RPTOR: variants seen among roughly 807,000 people sequenced by gnomAD.
The protein encoded by RPTOR is regulatory-associated protein of mTOR.
RPTOR carries 21 observed loss-of-function variants against 169.9 expected under a neutral mutation model. The ratio of observed to expected loss-of-function variants is 0.12; its 90% CI spans 0.09 to 0.18. The LOEUF is 0.18. RPTOR is among the 10% of genes least tolerant of loss of function. RPTOR has a pLI of 1.00. For missense variants in RPTOR, 1,133 were observed against 1,855.9 expected (o/e 0.61, Z 7.16); for synonymous variants, 732 against 753.2 (o/e 0.97, Z 0.46).
At chr17:80,649,273 G>A (rs145028773) in intron 3 of RPTOR, among the ~76,000 whole-genome samples, 28 of 152,284 alleles carry the variant, frequency 1.8e-4, no homozygotes, top group East Asian at 1.2e-3. Context: ...GGGCATTCAC[G>A]TTGCGACATT....
intron 1 of RPTOR, among the ~76,000 whole-genome samples, chr17:80,564,831 A>G (rs2084558025): frequency 1.3e-5 from 2 of 152,066 alleles, no homozygotes; most frequent in African/African-American, 4.8e-5. Flanking sequence ...CCCACTTATA[A>G]GTGAGAACAT....
At chr17:80,763,880 T>G (rs1183375285) in intron 6 of RPTOR, among the ~76,000 whole-genome samples, 5 of 152,170 alleles carry the variant, frequency 3.3e-5, no homozygotes, top group Admixed American at 6.5e-5. Flanking sequence ...TTATTTTTTT[T>G]TACATGTACA....
intron 3 of RPTOR, among the ~76,000 whole-genome samples, chr17:80,682,114 C>CA (rs147403359): frequency 0.16 from 13,393 of 84,940 alleles, 851 homozygotes; most frequent in South Asian, 0.22. Context: ...AGGTCCCCCC[C>CA]CCCACCCCAA....
chr17:80,585,215 T>C (rs868308428), intron 1 of RPTOR, among the ~76,000 whole-genome samples: 1 of 148,976 alleles, frequency 6.7e-6, no homozygotes, highest in African/African-American at 2.5e-5. Context: ...TTTGTTTTTT[T>C]TTTTCCTGAG....
At chr17:80,835,868 C>G (rs1009911500) in intron 9 of RPTOR, among the ~76,000 whole-genome samples, 8 of 152,214 alleles carry the variant, frequency 5.3e-5, no homozygotes, top group Admixed American at 1.3e-4. Flanking sequence ...CCGCGGAGAT[C>G]AAGACTGTGT....
intron 5 of RPTOR, among the ~76,000 whole-genome samples, chr17:80,738,523 A>C (rs2066453714): frequency 2.4e-5 from 2 of 81,822 alleles, no homozygotes; most frequent in South Asian, 5.9e-4. Flanking sequence ...AATGAATTTC[A>C]CAGACACGTG....
chr17:80,896,449 G>A (rs1335430537), intron 20 of RPTOR, among the ~76,000 whole-genome samples: 69,755 of 104,682 alleles, frequency 0.67, 23,174 homozygotes, highest in Non-Finnish European at 0.73. Flanking sequence ...CGGCCATGCC[G>A]ACACCCCACA....
chr17:80,847,368 A>G (rs964023279), intron 11 of RPTOR, among the ~76,000 whole-genome samples: 1 of 152,240 alleles, frequency 6.6e-6, no homozygotes, highest in African/African-American at 2.4e-5. Flanking sequence ...CAGGTAGTGA[A>G]GTTAGAAAGA....
intron 6 of RPTOR, among the ~76,000 whole-genome samples, chr17:80,770,794 G>T (rs772755912): frequency 4.6e-5 from 7 of 152,184 alleles, no homozygotes; most frequent in Non-Finnish European, 8.8e-5. Context: ...ACAAATGTTT[G>T]TACTCAAATT....
intron 6 of RPTOR, among the ~76,000 whole-genome samples, chr17:80,771,670 A>G (rs1300293995): frequency 7.3e-6 from 1 of 136,390 alleles, no homozygotes; most frequent in Non-Finnish European, 1.6e-5. Context: ...GGAATGACAC[A>G]GGAAACCCTG....
At chr17:80,709,720 A>G (rs1268418359) in intron 4 of RPTOR, among the ~76,000 whole-genome samples, 1 of 151,630 alleles carries the variant, frequency 6.6e-6, no homozygotes, top group Non-Finnish European at 1.5e-5. Context: ...GGTTTTTTTT[A>G]ATGATAGACT....
Position 80,823,352 on chromosome 17 carries a change from A to G in RPTOR, c.1136+129A>G, listed in dbSNP as rs1384063043. 1 of 1,194,800 alleles carries G rather than the reference A, an allele frequency of 8.4e-7. No individual in the cohort carries two copies. The highest frequency in any genetic ancestry group is 1.5e-5 in the African/African-American group (1 of 65,486). 74.0% of individuals were successfully genotyped at this position (1,194,800 alleles called of 1,614,324 possible). A position where few individuals can be genotyped will look rare whatever the true frequency, so the allele number is the denominator to read the frequency against. ...TTGGGGACCCCGTGTAGCATTAACA[A>G]GTGAAGCTAAATGCAGGGCTCCCAG... is the stretch of plus-strand genomic sequence containing the variant. On this transcript the variant is annotated intron_variant, in intron 9 of 33. Coordinates refer to ENST00000306801, the MANE Select transcript of RPTOR (RefSeq NM_020761.3). This position sits in a 1 kb window ranked among gnomAD's most constrained non-coding sequence, Gnocchi z 4.5.
At chr17:80,908,435 A>G (rs1353435550) in intron 20 of RPTOR, among the ~76,000 whole-genome samples, 1 of 152,194 alleles carries the variant, frequency 6.6e-6, no homozygotes, top group Non-Finnish European at 1.5e-5. Flanking sequence ...CGTCCATGCC[A>G]CATGCACCAC....
At chr17:80,566,618 A>C (rs1473527718) in intron 1 of RPTOR, among the ~76,000 whole-genome samples, 1 of 151,782 alleles carries the variant, frequency 6.6e-6, no homozygotes, top group Non-Finnish European at 1.5e-5. Flanking sequence ...CAGGAGATCG[A>C]GATCATCCTG....
chr17:80,948,823 C>T (rs1410278372), intron 27 of RPTOR, among the ~76,000 whole-genome samples: 1 of 152,170 alleles, frequency 6.6e-6, no homozygotes, highest in Non-Finnish European at 1.5e-5. Context: ...GACCTCCCTG[C>T]CTGTCTGCTG....
intron 1 of RPTOR, among the ~76,000 whole-genome samples, chr17:80,589,239 A>G (rs1419303915): frequency 1.3e-5 from 2 of 152,154 alleles, no homozygotes; most frequent in African/African-American, 4.8e-5. Flanking sequence ...AGGGACTATG[A>G]TGACTCCTCT....
At position 80,883,495 on chromosome 17, in the gene RPTOR, C is replaced by T; in HGVS notation, c.1650+11C>T. 1 of 1,612,814 alleles carries T rather than the reference C, an allele frequency of 6.2e-7. No individual in the cohort carries two copies. Among genetic ancestry groups the T allele is most frequent in the Non-Finnish European group, 8.5e-7 (1 of 1,178,948 alleles). The stretch of plus-strand genomic sequence containing the variant: ...TATCACACGGGGCAGGTGAGCCCCC[C>T]AGCCACCCCCAGCCCCAGAGCTCAC... On this transcript the variant is annotated intron_variant, in intron 15 of 33. Transcript: ENST00000306801.
intron 25 of RPTOR, among the ~76,000 whole-genome samples, chr17:80,942,845 G>A (rs974912890): frequency 2.6e-5 from 4 of 152,194 alleles, no homozygotes; most frequent in Non-Finnish European, 4.4e-5. Context: ...ATTTTCAAAC[G>A]TACCAAATGC....
At chr17:80,773,853 C>A (rs1054080527) in intron 6 of RPTOR, 2 of 985,240 alleles carry the variant, frequency 2.0e-6, no homozygotes, top group African/African-American at 3.5e-5. Flanking sequence ...TCAGTGTGTT[C>A]TGTTGTGCAT....
Sources: allele counts gnomAD v4.1 joint callset (sites outside exome capture counted in the v4.1 genomes callset), GRCh38; gene constraint gnomAD v4.1.1; non-coding constraint Gnocchi (gnomAD v3.1); transcripts MANE v1.5; gene names NCBI Gene and HGNC (gene_info 2026-07-23, HGNC 2026-07-21).